Variants in MOSMO observed in about 807,000 individuals in gnomAD.
MOSMO encodes modulator of smoothened, also known as modulator of smoothened protein.
A neutral mutation model predicts 18.4 loss-of-function variants in MOSMO; 5 were observed. The ratio of observed to expected loss-of-function variants is 0.27; its 90% CI spans 0.14 to 0.57. The LOEUF is 0.57. Among genes scored for constraint, MOSMO ranks in the 20% least tolerant of loss-of-function variants. MOSMO has a pLI of 0.92. For missense variants in MOSMO, 138 were observed against 211.8 expected (o/e 0.65, Z 2.16); for synonymous variants, 82 against 82.3 (o/e 1.00, Z 0.02).
Position 22,045,434 on chromosome 16 carries a change from T to A in MOSMO, c.107-30053T>A, listed in dbSNP as rs138101713. On this transcript the variant is annotated intron_variant, in intron 1 of 2. Transcript: ENST00000542527. ...AATGTATTGTGTTATCAGTATTGGCTCTGGGCCTTGATGGGTAGTAAAATA... is the reference window on the plus strand; with the variant it reads ...AATGTATTGTGTTATCAGTATTGGCACTGGGCCTTGATGGGTAGTAAAATA... Among the ~76,000 whole-genome samples, 894 of 152,298 alleles carry A rather than the reference T, an allele frequency of 5.9e-3. 3 individuals carry two copies. Among genetic ancestry groups the A allele is most frequent in the Non-Finnish European group, 9.7e-3 (659 of 68,048 alleles).
intron 1 of MOSMO, chr16:22,064,547 C>T (rs1160493371): frequency 4.8e-6 from 2 of 413,166 alleles, no homozygotes; most frequent in Non-Finnish European, 1.0e-5. Flanking sequence ...TAACCTTCTA[C>T]CTGACTCACT....
intron 1 of MOSMO, among the ~76,000 whole-genome samples, chr16:22,046,781 A>G (rs1228442413): frequency 6.6e-6 from 1 of 152,192 alleles, no homozygotes; most frequent in Non-Finnish European, 1.5e-5. Flanking sequence ...TAAGCTGCAT[A>G]TGGGAACATG....
rs1262841114 is a variant in MOSMO, at chr16:22,034,734, G to GT, written c.106+26334dup. Among the ~76,000 whole-genome samples the GT allele has an allele frequency of 1.6e-4, 6 of 37,828 alleles. No homozygotes were observed. In the East Asian group the frequency reaches 2.8e-3, roughly 18 times the overall value. The allele number at this position is 37,828 out of a possible 152,430, so 24.8% of individuals were successfully genotyped here. ...GGTTTAGAAACTGTTTTTTTTGTTTGTTTTTTTGGGTTTTTTTTTTTTTTT... is the reference window on the plus strand; with the variant it reads ...GGTTTAGAAACTGTTTTTTTTGTTTGTTTTTTTTGGGTTTTTTTTTTTTTTT... On this transcript the variant is annotated intron_variant, in intron 1 of 2. Transcript: ENST00000542527.
intron 1 of MOSMO, among the ~76,000 whole-genome samples, chr16:22,012,495 A>G (rs1477461480): frequency 6.6e-6 from 1 of 152,232 alleles, no homozygotes; most frequent in Non-Finnish European, 1.5e-5. Context: ...TTATAAGAAC[A>G]GGTGTCAGAA....
chr16:22,092,576 A>G, the MOSMO span: 1 of 1,544,358 alleles, frequency 6.5e-7, no homozygotes, highest in Non-Finnish European at 8.8e-7. Flanking sequence ...ACCAGAAGTG[A>G]GATCCAGGAG....
At chr16:22,013,192 G>T (rs1181458318) in intron 1 of MOSMO, among the ~76,000 whole-genome samples, 1 of 152,040 alleles carries the variant, frequency 6.6e-6, no homozygotes, top group East Asian at 1.9e-4. Context: ...GATTCCTTAG[G>T]ATGTTTATAT....
chr16:22,008,411 AGCCGCT>A lies in MOSMO; in HGVS notation c.106+6_106+11del. 7.8e-7 allele frequency: 1 copy of A among 1,280,096 alleles called. No individual in the cohort carries two copies. The highest frequency in any genetic ancestry group is 1.0e-6 in the Non-Finnish European group (1 of 996,016). 79.3% of individuals were successfully genotyped at this position (1,280,096 alleles called of 1,614,324 possible). On this transcript the variant is annotated splice_donor_5th_base_variant and intron_variant, in intron 1 of 2. Transcript: ENST00000542527. ...ATCAACACCGGGGAGTCTGCGGGTG[AGCCGCT>A]GGCGCGCCGGGCCGGGCGGGGGATT...
chr16:22,045,147 TG>T (rs1598010696), intron 1 of MOSMO, among the ~76,000 whole-genome samples: 1 of 150,134 alleles, frequency 6.7e-6, no homozygotes, highest in East Asian at 1.9e-4. Flanking sequence ...ATCGTGACAC[TG>T]CACTCCAGCC....
intron 2 of MOSMO, among the ~76,000 whole-genome samples, chr16:22,079,914 G>T (rs1354882847): frequency 6.6e-6 from 1 of 152,156 alleles, no homozygotes; most frequent in Non-Finnish European, 1.5e-5. Context: ...CTCCTGAGTA[G>T]CTGGGATTAC....
In MOSMO at chr16:22,042,132, G is replaced by A. The variant is rs1598009358; in HGVS notation, c.107-33355G>A. 3.9e-5 allele frequency among the ~76,000 whole-genome samples: 6 copies of A among 152,212 alleles called. 1 individual carries two copies. In the South Asian group the frequency reaches 1.2e-3, roughly 32 times the overall value. ...GACCTTGATTTTTTTCCTTTGAGTG[G>A]GAAGAAAGGTTATCTACTTTGGGCA... On this transcript the variant is annotated intron_variant, in intron 1 of 2. Transcript: ENST00000542527.
chr16:22,063,771 T>C (rs1313938849), intron 1 of MOSMO, among the ~76,000 whole-genome samples: 1 of 152,174 alleles, frequency 6.6e-6, no homozygotes, highest in Non-Finnish European at 1.5e-5. Flanking sequence ...TCTATATATA[T>C]GTTTTTTTAC....
intron 1 of MOSMO, among the ~76,000 whole-genome samples, chr16:22,017,950 CAACT>C (rs1432091920): frequency 5.9e-5 from 9 of 151,904 alleles, no homozygotes; most frequent in South Asian, 2.1e-4. Flanking sequence ...GAATATGTAC[CAACT>C]AACATGTATA....
chr16:22,058,994 G>C (rs998785141), intron 1 of MOSMO, among the ~76,000 whole-genome samples: 1 of 152,134 alleles, frequency 6.6e-6, no homozygotes, highest in Non-Finnish European at 1.5e-5. Context: ...ACAGACTTTG[G>C]TTTTATAAGA....
At position 22,048,355 on chromosome 16, in the gene MOSMO, G is replaced by T. The variant is rs529629479; in HGVS notation, c.107-27132G>T. On this transcript the variant is annotated intron_variant, in intron 1 of 2. Coordinates refer to ENST00000542527, the MANE Select transcript of MOSMO (RefSeq NM_001164579.2). ...TGTTAACACTGTATAAGAGTTAACT[G>T]ATGCTGCTGCTGCAACATCAACATC... 5.3e-5 allele frequency among the ~76,000 whole-genome samples: 8 copies of T among 152,312 alleles called. No homozygotes were observed. In the South Asian group the frequency reaches 1.7e-3, roughly 32 times the overall value.
At chr16:22,065,630 A>AT (rs962037369) in intron 1 of MOSMO, among the ~76,000 whole-genome samples, 23 of 152,320 alleles carry the variant, frequency 1.5e-4, no homozygotes, top group Middle Eastern at 3.4e-3. Flanking sequence ...ACAAAAAAAA[A>AT]ATATATCTAA....
Position 22,065,588 on chromosome 16 carries a change from GGT to G in MOSMO, c.107-9894_107-9893del, listed in dbSNP as rs757219477. ...CATGAGTACACTACTGTGTTAAATTGGTGTGTCTTGTACTGTCCTGTGTATGT... is the reference window on the plus strand; with the variant it reads ...CATGAGTACACTACTGTGTTAAATTGGTGTCTTGTACTGTCCTGTGTATGT... On this transcript the variant is annotated intron_variant, in intron 1 of 2. Coordinates refer to ENST00000542527, the MANE Select transcript of MOSMO (RefSeq NM_001164579.2). Among the ~76,000 whole-genome samples the G allele has an allele frequency of 7.9e-5, 12 of 152,034 alleles. No individual in the cohort carries two copies. In the South Asian group the frequency reaches 1.9e-3, roughly 24 times the overall value.
At chr16:22,077,942 C>CT (rs1391861496) in intron 2 of MOSMO, among the ~76,000 whole-genome samples, 1 of 152,050 alleles carries the variant, frequency 6.6e-6, no homozygotes, top group Non-Finnish European at 1.5e-5. Flanking sequence ...GAAAAATGTA[C>CT]TTTATTATGT....
chr16:22,038,308 A>AG (rs1900147036), intron 1 of MOSMO, among the ~76,000 whole-genome samples: 1 of 152,230 alleles, frequency 6.6e-6, no homozygotes, highest in Non-Finnish European at 1.5e-5. Context: ...AATAACTAGT[A>AG]GGGAGAGTAA....
intron 1 of MOSMO, among the ~76,000 whole-genome samples, chr16:22,066,594 A>G (rs779061410): frequency 1.3e-5 from 2 of 152,098 alleles, no homozygotes; most frequent in Non-Finnish European, 2.9e-5. Context: ...ACAGAGAGAG[A>G]CCCCCTCAGC....
Sources: allele counts gnomAD v4.1 joint callset (sites outside exome capture counted in the v4.1 genomes callset), GRCh38; gene constraint gnomAD v4.1.1; transcripts MANE v1.5; gene names NCBI Gene and HGNC (gene_info 2026-07-23, HGNC 2026-07-21).